Variants in PHLPP1 observed in about 807,000 individuals in gnomAD.
The protein encoded by PHLPP1 is PH domain leucine-rich repeat-containing protein phosphatase 1.
In PHLPP1, 42 loss-of-function variants were observed where a neutral mutation model predicts 117.2. The observed-to-expected ratio is 0.36, with a 90% CI of 0.28 to 0.46. PHLPP1 has a LOEUF of 0.46. Among genes scored for constraint, PHLPP1 ranks in the 20% least tolerant of loss-of-function variants. The probability of loss-of-function intolerance (pLI) is 1.00; values close to 1 mark genes in which losing one functional copy is unlikely to be tolerated. For synonymous variants in PHLPP1, 1,042 were observed against 970.7 expected, an observed-to-expected ratio of 1.07 and a Z score of -1.37; for missense variants, 2,084 against 2,241.9, an observed-to-expected ratio of 0.93 and a Z score of 1.42.
chr18:62,784,759 A>T (rs919925332), intron 1 of PHLPP1, among the ~76,000 whole-genome samples: 2 of 152,234 alleles, frequency 1.3e-5, no homozygotes, highest in Admixed American at 6.5e-5. Flanking sequence ...TTTCACTGAC[A>T]CTTAAATCAA....
At chr18:62,801,009 T>C (rs542618283) in intron 1 of PHLPP1, among the ~76,000 whole-genome samples, 70 of 26,734 alleles carry the variant, frequency 2.6e-3, no homozygotes, top group East Asian at 0.01. Context: ...CCTTGCTTCC[T>C]TCCCTCCCTC....
intron 6 of PHLPP1, among the ~76,000 whole-genome samples, chr18:62,897,634 G>A (rs1916596925): frequency 6.6e-6 from 1 of 152,124 alleles, no homozygotes; most frequent in Non-Finnish European, 1.5e-5. Context: ...AACCTCCCGA[G>A]TAGCTGGGAT....
intron 1 of PHLPP1, among the ~76,000 whole-genome samples, chr18:62,761,677 A>G (rs938208837): frequency 6.6e-6 from 1 of 151,784 alleles, no homozygotes; most frequent in African/African-American, 2.4e-5. Context: ...TAAAAAAAAA[A>G]AGAAATGATG....
At chr18:62,889,719 A>C (rs1301579719) in intron 4 of PHLPP1, 1 of 152,240 alleles carries the variant, frequency 6.6e-6, no homozygotes, top group African/African-American at 2.4e-5. Flanking sequence ...TGTGCAGGGT[A>C]AGGAATTCCA....
At chr18:62,863,722 G>C (rs113073642) in intron 4 of PHLPP1, among the ~76,000 whole-genome samples, 1 of 152,174 alleles carries the variant, frequency 6.6e-6, no homozygotes, top group Non-Finnish European at 1.5e-5. Context: ...ACAATGAGCC[G>C]TGAGACAGCC....
rs760861540 is a variant in PHLPP1 at position 62,972,629 on chromosome 18, A to T, written c.3676A>T (p.Ser1226Cys). The change falls in exon 15 of 17, where the codon AGT becomes TGT. Residue 1226 changes from serine (S) to cysteine (C), a missense_variant. Ser to Cys is a moderately radical substitution (Grantham distance 112, BLOSUM62 -1). Around this residue, in one of 2 missense-constraint regions of PHLPP1, gnomAD observed 1,365 missense variants for 1,605.9 expected, o/e 0.85. Coordinates refer to ENST00000262719, the MANE Select transcript of PHLPP1 (RefSeq NM_194449.4). ...EVPYLLQCTM[S>C]DILAEELQKT... ...GCCCTACCTTCTCCAGTGCACTATGAGTGACATTTTGGCTGAAGAGCTGCA... is the reference window on the plus strand; with the variant it reads ...GCCCTACCTTCTCCAGTGCACTATGTGTGACATTTTGGCTGAAGAGCTGCA... 1 of 1,613,932 alleles carries T rather than the reference A, an allele frequency of 6.2e-7. No individual in the cohort carries two copies. Among genetic ancestry groups the T allele is most frequent in the Admixed American group, 1.7e-5 (1 of 60,014 alleles).
Position 62,860,591 on chromosome 18 carries a change from G to A in PHLPP1, c.2056G>A (p.Glu686Lys). 1 of 1,612,312 alleles carries A rather than the reference G, an allele frequency of 6.2e-7. No individual in the cohort carries two copies. Among genetic ancestry groups the A allele is most frequent in the Non-Finnish European group, 8.5e-7 (1 of 1,179,162 alleles). Residue 686 changes from glutamate (E) to lysine (K), a missense_variant, in exon 4 of 17, where the codon GAA (glutamate) becomes AAA (lysine). By Grantham distance (56) the Glu-to-Lys change is moderately conservative. Around this residue, in one of 2 missense-constraint regions of PHLPP1, gnomAD observed 1,365 missense variants for 1,605.9 expected, o/e 0.85. Transcript: ENST00000262719. Reference sequence around the variant, plus strand: ...CCTTCCAGCTGCCAGGGGGCTTAATGAACTGCAAAGGTAAGCCTGCAGAAA... The same window carrying A: ...CCTTCCAGCTGCCAGGGGGCTTAATAAACTGCAAAGGTAAGCCTGCAGAAA... ...PSLPAARGLN[E>K]LQRFTKLKSL...
intron 1 of PHLPP1, among the ~76,000 whole-genome samples, chr18:62,747,456 C>T (rs1483827233): frequency 6.6e-6 from 1 of 151,178 alleles, no homozygotes; most frequent in Non-Finnish European, 1.5e-5. Context: ...TTTTGTCTTT[C>T]TTTCCCTTTC....
At chr18:62,834,428 C>T (rs916332872) in intron 2 of PHLPP1, among the ~76,000 whole-genome samples, 7 of 152,064 alleles carry the variant, frequency 4.6e-5, no homozygotes, top group African/African-American at 1.7e-4. Flanking sequence ...AAATATTGTG[C>T]AAAGTATTAG....
chr18:62,849,832 A>ATATATATATATAT (rs747097979), intron 3 of PHLPP1, among the ~76,000 whole-genome samples: 3 of 33,098 alleles, frequency 9.1e-5, no homozygotes, highest in Admixed American at 5.4e-4. Context: ...AAAAAAAAAA[A>ATATATATATATAT]ATATATATAT....
At chr18:62,799,210 C>T (rs1034162344) in intron 1 of PHLPP1, among the ~76,000 whole-genome samples, 9 of 152,068 alleles carry the variant, frequency 5.9e-5, no homozygotes, top group Non-Finnish European at 8.8e-5. Context: ...ATAAAATGGA[C>T]AATGAAAGGA....
chr18:62,828,762 A>G (rs1269627643), intron 1 of PHLPP1, among the ~76,000 whole-genome samples: 1 of 152,198 alleles, frequency 6.6e-6, no homozygotes, highest in African/African-American at 2.4e-5. Context: ...TAATAAGAAT[A>G]TAATTTATCT....
chr18:62,777,002 A>G (rs1270401115), intron 1 of PHLPP1, among the ~76,000 whole-genome samples: 5 of 152,238 alleles, frequency 3.3e-5, no homozygotes, highest in African/African-American at 1.2e-4. Flanking sequence ...TTTGGCTAAT[A>G]TGAACAATGT....
chr18:62,850,073 A>G (rs899885616), intron 3 of PHLPP1, among the ~76,000 whole-genome samples: 2 of 135,216 alleles, frequency 1.5e-5, no homozygotes, highest in African/African-American at 2.7e-5. Context: ...TTAAACATCA[A>G]TTTTTTTTTT....
At chr18:62,808,023 A>G (rs1913999676) in intron 1 of PHLPP1, among the ~76,000 whole-genome samples, 1 of 152,180 alleles carries the variant, frequency 6.6e-6, no homozygotes, top group Admixed American at 6.5e-5. Context: ...CGGGACCATC[A>G]TCCTATGTGT....
At chr18:62,780,351 A>T (rs559690452) in intron 1 of PHLPP1, among the ~76,000 whole-genome samples, 1 of 152,306 alleles carries the variant, frequency 6.6e-6, no homozygotes, top group Admixed American at 6.5e-5. Context: ...TGGATAATAA[A>T]GTTTTGTCTT....
At chr18:62,792,886 A>G (rs887964687) in intron 1 of PHLPP1, among the ~76,000 whole-genome samples, 34 of 146,808 alleles carry the variant, frequency 2.3e-4, no homozygotes, top group African/African-American at 8.3e-4. Context: ...AAAAAAAAAA[A>G]AAAAAAGGTC....
At chr18:62,868,017 A>G (rs1342907375) in intron 4 of PHLPP1, among the ~76,000 whole-genome samples, 1 of 151,996 alleles carries the variant, frequency 6.6e-6, no homozygotes, top group Non-Finnish European at 1.5e-5. Flanking sequence ...TCACTGTTTT[A>G]GCCAGGATGG....
chr18:62,970,109 G>C (rs893954713), intron 14 of PHLPP1, among the ~76,000 whole-genome samples: 1 of 151,870 alleles, frequency 6.6e-6, no homozygotes, highest in African/African-American at 2.4e-5. Flanking sequence ...ATTCTACCGT[G>C]TGTCTCTGTG....
Sources: gnomAD v4.1 joint callset for allele counts (sites outside exome capture counted in the v4.1 genomes callset) on GRCh38, gnomAD v4.1.1 for gene constraint, gnomAD v4.1.1 regional missense constraint, MANE v1.5 for transcripts, NCBI Gene and HGNC (gene_info 2026-07-23, HGNC 2026-07-21) for gene names.